Variants in HSD17B12 observed in about 807,000 individuals in gnomAD.
The protein encoded by HSD17B12 is very-long-chain 3-oxoacyl-CoA reductase.
A neutral mutation model predicts 39.3 loss-of-function variants in HSD17B12; 32 were observed. That is an observed-to-expected ratio of 0.81 (90% confidence interval 0.61 to 1.09). HSD17B12 has a LOEUF of 1.09. Ranked by LOEUF, HSD17B12 falls within the 50% of genes least tolerant of loss-of-function variation. The pLI, the probability that HSD17B12 is intolerant of heterozygous loss-of-function variation, is 0.00. For missense variants in HSD17B12, 342 were observed against 382.9 expected (o/e 0.89, Z 0.89); for synonymous variants, 150 against 146.7 (o/e 1.02, Z -0.16).
intron 3 of HSD17B12, among the ~76,000 whole-genome samples, chr11:43,773,977 G>T (rs1950674077): frequency 6.6e-6 from 1 of 152,008 alleles, no homozygotes; most frequent in Non-Finnish European, 1.5e-5. Context: ...TGTACATCGG[G>T]TATAGCCTGA....
intron 2 of HSD17B12, among the ~76,000 whole-genome samples, chr11:43,752,684 A>C (rs1359212137): frequency 2.0e-5 from 3 of 152,098 alleles, no homozygotes; most frequent in Non-Finnish European, 4.4e-5. Context: ...GTGGCACTCC[A>C]GCCTGGGTGA....
the HSD17B12 span, among the ~76,000 whole-genome samples, chr11:43,582,448 C>T: frequency 6.6e-6 from 1 of 152,208 alleles, no homozygotes; most frequent in Non-Finnish European, 1.5e-5. Context: ...CCACGCTCCC[C>T]GCGCCCTTCG....
At chr11:43,710,432 A>G (rs1378795533) in intron 1 of HSD17B12, among the ~76,000 whole-genome samples, 2 of 152,228 alleles carry the variant, frequency 1.3e-5, no homozygotes, top group Non-Finnish European at 2.9e-5. Context: ...AAAGTAACAT[A>G]AATATCTCAG....
chr11:43,581,282 G>A, the HSD17B12 span: 1 of 463,370 alleles, frequency 2.2e-6, no homozygotes. The surrounding 1 kb of genome is among the most constrained non-coding windows in gnomAD (Gnocchi z 4.9). Flanking sequence ...CGCGCGGAGT[G>A]GTGAGACTGA....
chr11:43,790,407 T>A (rs1205079527), intron 3 of HSD17B12, among the ~76,000 whole-genome samples: 1 of 152,132 alleles, frequency 6.6e-6, no homozygotes, highest in Non-Finnish European at 1.5e-5. Flanking sequence ...AAACAACTAT[T>A]TGCCAAGCAG....
chr11:43,781,264 G>T (rs1425886853), intron 3 of HSD17B12, among the ~76,000 whole-genome samples: 1 of 152,076 alleles, frequency 6.6e-6, no homozygotes, highest in Non-Finnish European at 1.5e-5. Flanking sequence ...CCTGATTAAA[G>T]AAATTATGGC....
Position 43,757,653 on chromosome 11 carries a change from A to C in HSD17B12, c.283+3532A>C, listed in dbSNP as rs1280312007. Among the ~76,000 whole-genome samples, 139 of 143,168 alleles carry C rather than the reference A, an allele frequency of 9.7e-4. 2 individuals are homozygous for C. The highest frequency in any genetic ancestry group is 3.2e-3 in the African/African-American group (123 of 38,658). The allele number at this position is 143,168 out of a possible 152,430, so 93.9% of individuals were successfully genotyped here. The stretch of plus-strand genomic sequence containing the variant: ...AGACTCCGTCTCAAAAAAAAAAAAA[A>C]AAAAAAAAAAAAAACAAATAGGTAA... On this transcript the variant is annotated intron_variant, in intron 3 of 10. Transcript: ENST00000278353.
chr11:43,660,603 C>T, the HSD17B12 span, among the ~76,000 whole-genome samples: 11 of 152,204 alleles, frequency 7.2e-5, no homozygotes, highest in African/African-American at 2.7e-4. Flanking sequence ...GGTACAGCCA[C>T]TTTGGAAAAC....
At chr11:43,650,610 A>C in the HSD17B12 span, among the ~76,000 whole-genome samples, 94 of 152,294 alleles carry the variant, frequency 6.2e-4, no homozygotes, top group African/African-American at 2.2e-3. Flanking sequence ...TATGGCCTCA[A>C]GTCTTACATA....
the HSD17B12 span, among the ~76,000 whole-genome samples, chr11:43,594,639 A>G: frequency 6.6e-6 from 1 of 151,604 alleles, no homozygotes; most frequent in Admixed American, 6.6e-5. Context: ...AGAGCTAATG[A>G]TCTGACTACC....
Position 43,783,614 on chromosome 11 carries a change from TC to T in HSD17B12, c.284-14704del, listed in dbSNP as rs150360975. ...GGTGTGTGATGCGCCCTTCCCTGTG[TC>T]CATGTGTTCTCATTCTCATTGTTCA... On this transcript the variant is annotated intron_variant, in intron 3 of 10. Coordinates refer to ENST00000278353, the MANE Select transcript of HSD17B12 (RefSeq NM_016142.3). 1.9e-3 allele frequency among the ~76,000 whole-genome samples: 283 copies of T among 152,026 alleles called. 5 individuals are homozygous for T. In the East Asian group the frequency reaches 0.043, roughly 23 times the overall value.
chr11:43,556,940 A>G, the HSD17B12 span: 1 of 151,896 alleles, frequency 6.6e-6, no homozygotes, highest in Non-Finnish European at 1.5e-5. Context: ...CATTTGCACA[A>G]AAAGTGAAGG....
At chr11:43,757,685 A>G (rs557899739) in intron 3 of HSD17B12, among the ~76,000 whole-genome samples, 30 of 143,470 alleles carry the variant, frequency 2.1e-4, no homozygotes, top group Admixed American at 6.2e-4. Context: ...GTAAAAAACA[A>G]ACAAATAAAC....
chr11:43,598,603 C>T, the HSD17B12 span, among the ~76,000 whole-genome samples: 1 of 152,252 alleles, frequency 6.6e-6, no homozygotes, highest in Non-Finnish European at 1.5e-5. Context: ...CTGTGCCTGT[C>T]ACTTTTCCCC....
At chr11:43,635,108 G>A in the HSD17B12 span, among the ~76,000 whole-genome samples, 1 of 152,088 alleles carries the variant, frequency 6.6e-6, no homozygotes, top group East Asian at 1.9e-4. Flanking sequence ...ATGACAAAAT[G>A]TTAATAACTA....
At chr11:43,620,280 T>C in the HSD17B12 span, among the ~76,000 whole-genome samples, 1 of 152,200 alleles carries the variant, frequency 6.6e-6, no homozygotes, top group Non-Finnish European at 1.5e-5. Flanking sequence ...GTAAATATTA[T>C]TATCATCCCC....
chr11:43,633,988 C>T, the HSD17B12 span, among the ~76,000 whole-genome samples: 2 of 142,000 alleles, frequency 1.4e-5, no homozygotes, highest in Non-Finnish European at 3.0e-5. Context: ...GCAGGAGACT[C>T]GCTTGAACCC....
chr11:43,706,386 A>G (rs966704552), intron 1 of HSD17B12, among the ~76,000 whole-genome samples: 9 of 152,172 alleles, frequency 5.9e-5, no homozygotes, highest in Non-Finnish European at 1.3e-4. Context: ...TCTATTAAAA[A>G]TACAAAAATT....
the HSD17B12 span, among the ~76,000 whole-genome samples, chr11:43,615,744 C>A: frequency 1.3e-5 from 2 of 152,164 alleles, no homozygotes; most frequent in Non-Finnish European, 2.9e-5. Flanking sequence ...TAGTCTGGTG[C>A]TAATTACTCC....
Sources: allele counts gnomAD v4.1 joint callset (sites outside exome capture counted in the v4.1 genomes callset), GRCh38; gene constraint gnomAD v4.1.1; non-coding constraint Gnocchi (gnomAD v3.1); transcripts MANE v1.5; gene names NCBI Gene and HGNC (gene_info 2026-07-23, HGNC 2026-07-21).